Variants in PTPRN2 observed in about 807,000 individuals in gnomAD.
PTPRN2 encodes the protein protein tyrosine phosphatase receptor type N2, also known as receptor-type tyrosine-protein phosphatase N2.
Under a neutral mutation model 118.8 loss-of-function variants are expected in PTPRN2, and 74 were observed. The observed-to-expected ratio is 0.62, with a 90% CI of 0.52 to 0.76. PTPRN2 has a LOEUF of 0.76. Ranked by LOEUF, PTPRN2 falls within the 30% of genes least tolerant of loss-of-function variation. PTPRN2 has a pLI of 0.00. For missense variants in PTPRN2, 1,481 were observed against 1,394.4 expected, an observed-to-expected ratio of 1.06 and a Z score of -0.99; for synonymous variants, 641 against 608.0, an observed-to-expected ratio of 1.05 and a Z score of -0.80.
chr7:157,726,209 G>A (rs60329732), intron 12 of PTPRN2, among the ~76,000 whole-genome samples: 1 of 131,620 alleles, frequency 7.6e-6, no homozygotes, highest in East Asian at 2.3e-4. Context: ...CCTCCCAGGA[G>A]AACTGGATAT....
intron 2 of PTPRN2, among the ~76,000 whole-genome samples, chr7:158,387,552 G>T (rs1811546777): frequency 2.0e-5 from 3 of 152,302 alleles, no homozygotes; most frequent in Non-Finnish European, 2.9e-5. Context: ...TGGACTCCAG[G>T]GGGCTGCGGC....
At chr7:158,388,261 C>T (rs765777272) in intron 2 of PTPRN2, among the ~76,000 whole-genome samples, 14 of 152,158 alleles carry the variant, frequency 9.2e-5, no homozygotes, top group Admixed American at 7.9e-4. Context: ...CCACGGTTCA[C>T]GTCAATCCCG....
chr7:158,336,719 C>A (rs1486641433), intron 2 of PTPRN2, among the ~76,000 whole-genome samples: 8 of 122,236 alleles, frequency 6.5e-5, no homozygotes, highest in African/African-American at 2.1e-4. Context: ...CACACTCTCA[C>A]CAAAAGAGCT....
chr7:158,515,665 G>C (rs1467554741), intron 1 of PTPRN2, among the ~76,000 whole-genome samples: 1 of 151,960 alleles, frequency 6.6e-6, no homozygotes, highest in Non-Finnish European at 1.5e-5. Flanking sequence ...CATGCTCAAG[G>C]CTTCCCCATC....
chr7:157,756,407 G>A (rs1242781), intron 12 of PTPRN2, among the ~76,000 whole-genome samples: 14,825 of 151,652 alleles, frequency 0.098, 968 homozygotes, highest in Admixed American at 0.2. Flanking sequence ...TGATTCTCCT[G>A]CCTCAGCCTC....
chr7:157,619,000 C>T lies in PTPRN2; in HGVS notation c.2344+2362G>A, dbSNP rs1802980535. On this transcript the variant is annotated intron_variant, in intron 15 of 22. Coordinates refer to ENST00000389418, the MANE Select transcript of PTPRN2 (RefSeq NM_002847.5). The surrounding 1 kb of genome is among the most constrained non-coding windows in gnomAD (Gnocchi z 4.2). Reference sequence around the variant, plus strand: ...CAGAATGGGCAGGGCTGTCCTGATCCCCATGAGAACATCAGGCGCCCATCC... The same window carrying T: ...CAGAATGGGCAGGGCTGTCCTGATCTCCATGAGAACATCAGGCGCCCATCC... 6.6e-6 allele frequency among the ~76,000 whole-genome samples: 1 copy of T among 152,098 alleles called. No individual in the cohort carries two copies. The highest frequency in any genetic ancestry group is 2.4e-5 in the African/African-American group (1 of 41,400).
rs1350289697 is a variant in PTPRN2 at position 157,831,383 on chromosome 7, A to G, written c.1788+67290T>C. Among the ~76,000 whole-genome samples the G allele has an allele frequency of 2.0e-5, 3 of 152,102 alleles. No individual in the cohort carries two copies. Among genetic ancestry groups the G allele is most frequent in the Non-Finnish European group, 4.4e-5 (3 of 68,014 alleles). ...CCTTCTCTCGTTGGGGTTTTCTGTT[A>G]TTTCTTCCCGAAGCATCTTAACTGA... On this transcript the variant is annotated intron_variant, in intron 12 of 22. Coordinates refer to ENST00000389418, the MANE Select transcript of PTPRN2 (RefSeq NM_002847.5). The surrounding 1 kb of genome is among the most constrained non-coding windows in gnomAD (Gnocchi z 4.8).
intron 11 of PTPRN2, among the ~76,000 whole-genome samples, chr7:157,943,910 A>G (rs1022810601): frequency 5.3e-5 from 8 of 152,066 alleles, no homozygotes; most frequent in Non-Finnish European, 8.8e-5. Context: ...GTGTTTTTGT[A>G]TCTGTTTTGA....
intron 9 of PTPRN2, among the ~76,000 whole-genome samples, chr7:158,131,375 CACACACTCAT>C (rs972856431): frequency 2.3e-5 from 2 of 86,076 alleles, no homozygotes; most frequent in Admixed American, 1.2e-4. Flanking sequence ...CTACCCGACA[CACACACTCAT>C]ACACACACGT....
chr7:158,140,978 C>G (rs566475231), intron 6 of PTPRN2, among the ~76,000 whole-genome samples: 2 of 152,284 alleles, frequency 1.3e-5, no homozygotes, highest in African/African-American at 4.8e-5. Context: ...CGAACGACAC[C>G]GGCAGAGTGA....
intron 2 of PTPRN2, among the ~76,000 whole-genome samples, chr7:158,441,649 G>GTGGTGA (rs1209815266): frequency 1.5e-4 from 22 of 144,518 alleles, no homozygotes; most frequent in Non-Finnish European, 2.2e-4. Flanking sequence ...GATGGCAATG[G>GTGGTGA]TGGTGATGGT....
chr7:158,149,297 AT>A (rs1298820545), intron 6 of PTPRN2, among the ~76,000 whole-genome samples: 1 of 152,200 alleles, frequency 6.6e-6, no homozygotes, highest in Non-Finnish European at 1.5e-5. Flanking sequence ...TTATAAAGCA[AT>A]GTCATCAATG....
intron 12 of PTPRN2, among the ~76,000 whole-genome samples, chr7:157,852,041 A>G (rs1264706130): frequency 6.6e-6 from 1 of 151,532 alleles, no homozygotes; most frequent in Non-Finnish European, 1.5e-5. Context: ...GTTGAAAACG[A>G]CACCTTCACG....
At position 158,584,699 on chromosome 7, in the gene PTPRN2, C is replaced by T. The variant is rs149947841; in HGVS notation, c.112+2859G>A. Among the ~76,000 whole-genome samples the T allele has an allele frequency of 4.7e-3, 715 of 152,324 alleles. 6 individuals are homozygous for T. The highest frequency in any genetic ancestry group is 0.017 in the African/African-American group (687 of 41,570). ...GGAAGCAGTGAGACTTCCACTACCA[C>T]AGGGTGCTGCCAACAGCTGTTCTGG... On this transcript the variant is annotated intron_variant, in intron 1 of 22. Coordinates refer to ENST00000389418, the MANE Select transcript of PTPRN2 (RefSeq NM_002847.5).
At chr7:158,454,882 G>A (rs555427855) in intron 2 of PTPRN2, among the ~76,000 whole-genome samples, 5 of 152,144 alleles carry the variant, frequency 3.3e-5, no homozygotes, top group South Asian at 2.1e-4. Flanking sequence ...CAGAGATGAC[G>A]GCTGTTGCAT....
intron 8 of PTPRN2, among the ~76,000 whole-genome samples, chr7:158,134,582 G>C (rs1481427422): frequency 6.6e-6 from 1 of 152,162 alleles, no homozygotes; most frequent in African/African-American, 2.4e-5. Flanking sequence ...AGTAACCCCA[G>C]TTCACAGAAG....
At chr7:158,197,105 GA>G (rs1332744271) in intron 4 of PTPRN2, among the ~76,000 whole-genome samples, 1 of 152,214 alleles carries the variant, frequency 6.6e-6, no homozygotes, top group East Asian at 1.9e-4. Flanking sequence ...ATCGTATTCA[GA>G]AAAAGTCTGG....
At chr7:158,021,786 AGG>A (rs1806891756) in intron 11 of PTPRN2, among the ~76,000 whole-genome samples, 1 of 152,224 alleles carries the variant, frequency 6.6e-6, no homozygotes, top group East Asian at 1.9e-4. Context: ...GAAGCTGCCC[AGG>A]CTGTAGCATT....
intron 4 of PTPRN2, among the ~76,000 whole-genome samples, chr7:158,199,667 T>G (rs562746225): frequency 6.6e-6 from 1 of 152,030 alleles, no homozygotes. Flanking sequence ...ACACATGGAG[T>G]GGAGAAAGCC....
Sources: allele counts gnomAD v4.1 joint callset (sites outside exome capture counted in the v4.1 genomes callset), GRCh38; gene constraint gnomAD v4.1.1; non-coding constraint Gnocchi (gnomAD v3.1); transcripts MANE v1.5; gene names NCBI Gene and HGNC (gene_info 2026-07-23, HGNC 2026-07-21).